RTN4: variants seen among roughly 807,000 people sequenced by gnomAD.
RTN4 encodes the protein reticulon 4.
RTN4 carries 32 observed loss-of-function variants against 90.4 expected under a neutral mutation model. That is an observed-to-expected ratio of 0.35 (90% CI 0.27 to 0.48). The LOEUF (loss-of-function observed/expected upper bound fraction) is 0.48. Ranked by LOEUF, RTN4 falls within the 20% of genes least tolerant of loss-of-function variation. RTN4 has a pLI of 0.99. For missense variants in RTN4, 1,706 were observed against 1,430.2 expected, an observed-to-expected ratio of 1.19 and a Z score of -3.11; for synonymous variants, 629 against 552.5, an observed-to-expected ratio of 1.14 and a Z score of -1.94.
chr2:54,978,449 A>T (rs1435936220), intron 5 of RTN4, among the ~76,000 whole-genome samples: 1 of 144,166 alleles, frequency 6.9e-6, no homozygotes, highest in Non-Finnish European at 1.6e-5. Context: ...AAAAAAAAAA[A>T]AAAAGAGCTA....
intron 1 of RTN4, among the ~76,000 whole-genome samples, chr2:55,102,482 G>A (rs1432802453): frequency 1.3e-5 from 2 of 151,996 alleles, no homozygotes; most frequent in East Asian, 3.9e-4. Context: ...ATTTGTGGAC[G>A]CTAAAAATTT....
intron 1 of RTN4, among the ~76,000 whole-genome samples, chr2:55,090,285 C>G (rs184277909): frequency 8.5e-5 from 13 of 152,290 alleles, no homozygotes; most frequent in Non-Finnish European, 1.8e-4. Flanking sequence ...CAGTTTAAAA[C>G]AGAGAGACCC....
chr2:54,985,644 C>A (rs1447148227), intron 4 of RTN4, among the ~76,000 whole-genome samples: 1 of 152,164 alleles, frequency 6.6e-6, no homozygotes. Flanking sequence ...GTCTCTCCCC[C>A]TAAACTTGTA....
At chr2:55,000,858 C>T (rs371367400) in intron 3 of RTN4, among the ~76,000 whole-genome samples, 3 of 152,058 alleles carry the variant, frequency 2.0e-5, no homozygotes, top group East Asian at 1.9e-4. Flanking sequence ...ACTAACACTA[C>T]GAGTAGAGTT....
chr2:54,987,318 C>T (rs1678643008), intron 4 of RTN4, among the ~76,000 whole-genome samples, 173 bp downstream of exon 4: 1 of 152,162 alleles, frequency 6.6e-6, no homozygotes, highest in Non-Finnish European at 1.5e-5. Context: ...GCCTTTAAAA[C>T]GACTTTTAGA....
At position 55,101,658 on chromosome 2, in the gene RTN4, T is replaced by C. The variant is rs780441008; in HGVS notation, c.-214+10862A>G. 6.6e-5 allele frequency among the ~76,000 whole-genome samples: 10 copies of C among 152,288 alleles called. No homozygotes were observed. In the South Asian group the frequency reaches 1.2e-3, roughly 19 times the overall value. Reference sequence around the variant, plus strand: ...CCAGGCAATGTGCTAGGTATGCAAGTACCAGCTACACAGAGATGAAAAAGA... The same window carrying C: ...CCAGGCAATGTGCTAGGTATGCAAGCACCAGCTACACAGAGATGAAAAAGA... On this transcript the variant is annotated intron_variant, in intron 1 of 3. Coordinates refer to the RTN4 transcript ENST00000427710.
At chr2:54,973,665 C>CTTAT (rs749647379) in intron 7 of RTN4, 44 bp from the exon 8 acceptor site, 22 of 1,530,042 alleles carry the variant, frequency 1.4e-5, no homozygotes, top group Non-Finnish European at 1.9e-5. Flanking sequence ...GCTAAAGAAT[C>CTTAT]TTATTAACCA....
At chr2:55,016,827 G>T (rs1314483996) in intron 3 of RTN4, among the ~76,000 whole-genome samples, 6 of 152,074 alleles carry the variant, frequency 3.9e-5, no homozygotes, top group Non-Finnish European at 8.8e-5. Flanking sequence ...CTAAAATATT[G>T]AAGCTCAAGT....
chr2:55,059,360 CT>C (rs1418329798), intron 2 of RTN4, among the ~76,000 whole-genome samples: 1 of 150,626 alleles, frequency 6.6e-6, no homozygotes, highest in African/African-American at 2.4e-5. Flanking sequence ...TTAATTAATA[CT>C]TTTTTTATTT....
chr2:55,053,783 T>G (rs1668142535), upstream of RTN4, among the ~76,000 whole-genome samples: 1 of 152,164 alleles, frequency 6.6e-6, no homozygotes, highest in African/African-American at 2.4e-5. Flanking sequence ...GTAGCTGTTC[T>G]CTCTGAGAAC....
At chr2:54,990,478 TTAA>T (rs565135662) in intron 3 of RTN4, among the ~76,000 whole-genome samples, 109 of 152,338 alleles carry the variant, frequency 7.2e-4, no homozygotes, top group African/African-American at 2.4e-3. Context: ...TGTAAAGCAC[TTAA>T]TAGAGTACAT....
At position 54,987,534 on chromosome 2, in the gene RTN4, C is replaced by T. The variant is rs1204163856; in HGVS notation, c.3178G>A (p.Val1060Met). 6.2e-7 allele frequency: 1 copy of T among 1,614,028 alleles called. No individual in the cohort carries two copies. The highest frequency in any genetic ancestry group is 1.3e-5 in the African/African-American group (1 of 74,910). Reference sequence around the variant, plus strand: ...TCTGATTTCTGGATAGCTTGGATCACACCCTTGTATATCCTAAAGCTGATG... The same window carrying T: ...TCTGATTTCTGGATAGCTTGGATCATACCCTTGTATATCCTAAAGCTGATG... Reference protein sequence around the residue: ...VTISFRIYKGVIQAIQKSDEG... With the variant: ...VTISFRIYKGMIQAIQKSDEG... Residue 1060 changes from valine to methionine, a missense_variant, in exon 4 of 9, where the codon GTG becomes ATG. Transcript: ENST00000337526.
chr2:54,986,433 C>T (rs1678568739), intron 4 of RTN4, among the ~76,000 whole-genome samples: 1 of 152,202 alleles, frequency 6.6e-6, no homozygotes, highest in African/African-American at 2.4e-5. Context: ...AAACCAGCTA[C>T]ATGAATGAGC....
chr2:55,070,997 C>G (rs1244368537), intron 2 of RTN4, among the ~76,000 whole-genome samples: 1 of 151,050 alleles, frequency 6.6e-6, no homozygotes, highest in African/African-American at 2.4e-5. Context: ...AGGATGGTCT[C>G]AATCTCCTGA....
At chr2:55,018,036 C>A (rs1266260847) in intron 3 of RTN4, among the ~76,000 whole-genome samples, 2 of 152,154 alleles carry the variant, frequency 1.3e-5, no homozygotes, top group Middle Eastern at 3.2e-3. Flanking sequence ...AAGAAGTTAG[C>A]CCAATGTCTG....
intron 2 of RTN4, among the ~76,000 whole-genome samples, chr2:55,068,705 T>C (rs914523464): frequency 3.3e-5 from 5 of 150,288 alleles, no homozygotes; most frequent in Non-Finnish European, 5.9e-5. Context: ...CTAGTTTGGC[T>C]TGCAGCTCAA....
intron 1 of RTN4, among the ~76,000 whole-genome samples, chr2:55,111,407 T>A (rs953379423): frequency 6.6e-6 from 1 of 152,260 alleles, no homozygotes; most frequent in African/African-American, 2.4e-5. Context: ...AAGCAGATTC[T>A]CATCCCATAG....
At chr2:55,086,984 A>G (rs573863899) in intron 1 of RTN4, among the ~76,000 whole-genome samples, 126 of 152,182 alleles carry the variant, frequency 8.3e-4, no homozygotes, top group African/African-American at 2.4e-3. Flanking sequence ...TATAAATGGA[A>G]TCCTACTGTA....
chr2:54,994,938 A>G (rs1197413685), intron 3 of RTN4, among the ~76,000 whole-genome samples: 1 of 152,204 alleles, frequency 6.6e-6, no homozygotes, highest in Non-Finnish European at 1.5e-5. Context: ...TCTGGTCACA[A>G]AAACATCATC....
Sources: gnomAD v4.1 joint callset for allele counts (sites outside exome capture counted in the v4.1 genomes callset) on GRCh38, gnomAD v4.1.1 for gene constraint, MANE v1.5 for transcripts, NCBI Gene and HGNC (gene_info 2026-07-23, HGNC 2026-07-21) for gene names.